Variants in NAV1 observed in about 807,000 individuals in gnomAD.
NAV1 encodes the protein pore membrane and/or filament interacting like protein 3.
NAV1 carries 18 observed loss-of-function variants against 175.2 expected under a neutral mutation model. The ratio of observed to expected loss-of-function variants is 0.10; its 90% CI spans 0.07 to 0.15. The LOEUF is 0.15. Among genes scored for constraint, NAV1 ranks in the 10% least tolerant of loss-of-function variants. The pLI, the probability that NAV1 is intolerant of heterozygous loss-of-function variation, is 1.00. For missense variants in NAV1, 1,731 were observed against 2,436.6 expected, an observed-to-expected ratio of 0.71 and a Z score of 6.10; for synonymous variants, 897 against 978.7, an observed-to-expected ratio of 0.92 and a Z score of 1.56.
intron 3 of NAV1, chr1:201,724,451 C>G (rs141739472): frequency 6.6e-6 from 1 of 152,268 alleles, no homozygotes; most frequent in African/African-American, 2.4e-5. Flanking sequence ...GTGGGTTTCC[C>G]TCTCAATGTG....
intron 1 of NAV1, among the ~76,000 whole-genome samples, chr1:201,587,452 A>T (rs1473738236): frequency 6.6e-6 from 1 of 152,016 alleles, no homozygotes; most frequent in Admixed American, 6.6e-5. Flanking sequence ...TTAAGAGGCC[A>T]AGGGGGGTGG....
exon 25 of NAV1, chr1:201,811,672 C>T (rs144118850): frequency 1.2e-6 from 2 of 1,613,896 alleles, no homozygotes; most frequent in African/African-American, 2.7e-5. Context: ...GGATGTGCCC[C>T]TGGTGATTCT....
intron 1 of NAV1, among the ~76,000 whole-genome samples, chr1:201,582,658 T>A (rs1254731071): frequency 6.6e-6 from 1 of 151,958 alleles, no homozygotes; most frequent in East Asian, 1.9e-4. Flanking sequence ...GGCCAAGGGG[T>A]GAGGAAATCC....
intron 3 of NAV1, among the ~76,000 whole-genome samples, chr1:201,731,493 C>G (rs185679020): frequency 2.6e-5 from 4 of 152,270 alleles, no homozygotes; most frequent in East Asian, 3.9e-4. Flanking sequence ...AGCCTACCCC[C>G]CTTCTCCTTT....
chr1:201,677,723 G>T (rs1188832140), intron 1 of NAV1, among the ~76,000 whole-genome samples: 1 of 152,142 alleles, frequency 6.6e-6, no homozygotes, highest in African/African-American at 2.4e-5. Flanking sequence ...CGCCTCCCAG[G>T]CATGGGCGAC....
rs1438930048 is a variant in NAV1 at position 201,808,515 on chromosome 1, T to C, written c.3943T>C (p.Trp1315Arg). ...GGTATCGGAGCTGCGCTCTGAGCTA[T>C]GGGAGAAGGAAATGAAGCTTACAGA... Residue 1315 changes from tryptophan to arginine, a missense_variant, in exon 19 of 30, where the codon TGG becomes CGG. Trp to Arg is a moderately radical substitution (Grantham distance 101). This residue lies in a region of NAV1 where 146 missense variants were observed against 176.8 expected (regional missense o/e 0.83). Coordinates refer to ENST00000367296, the Ensembl canonical transcript of NAV1. The surrounding 1 kb of genome is among the most constrained non-coding windows in gnomAD (Gnocchi z 5.5). The C allele has an allele frequency of 6.2e-7, 1 of 1,614,180 alleles. No individual in the cohort carries two copies. Among genetic ancestry groups the C allele is most frequent in the Non-Finnish European group, 8.5e-7 (1 of 1,180,026 alleles).
In NAV1 at chr1:201,813,295, G is replaced by C; in HGVS notation, c.5340+37G>C. 4 of 1,338,988 alleles carry C rather than the reference G, an allele frequency of 3.0e-6. No homozygotes were observed. The highest frequency in any genetic ancestry group is 1.8e-4 in the Middle Eastern group (1 of 5,472). The allele number at this position is 1,338,988 out of a possible 1,614,324, so 82.9% of individuals were successfully genotyped here. On this transcript the variant is annotated intron_variant, in intron 28 of 29. Transcript: ENST00000367296. This position sits in a 1 kb window ranked among gnomAD's most constrained non-coding sequence, Gnocchi z 4.2. ...CCCCTTCACTCAAACCCTAAGATCA[G>C]GCTGTCCTACCTAACAAAGTAGGAA...
chr1:201,658,721 G>A lies in NAV1; in HGVS notation c.757+9296G>A, dbSNP rs115574286. 9.6e-3 allele frequency among the ~76,000 whole-genome samples: 1,456 copies of A among 152,282 alleles called. 20 individuals are homozygous for A. The highest frequency in any genetic ancestry group is 0.03 in the African/African-American group (1,257 of 41,550). On this transcript the variant is annotated intron_variant, in intron 1 of 29. Transcript: ENST00000367296. ...GGATCCCCAAAAGAGTCCTGTGCCC[G>A]CTGGTCCTTGGAGATGTTGCTGATC...
chr1:201,650,606 T>A (rs1233780466), intron 1 of NAV1, among the ~76,000 whole-genome samples: 1 of 152,104 alleles, frequency 6.6e-6, no homozygotes, highest in Non-Finnish European at 1.5e-5. Context: ...GTGGGGAACA[T>A]GCAAGAGCTC....
Position 201,781,012 on chromosome 1 carries a change from C to G in NAV1, c.1366C>G (p.Leu456Val), listed in dbSNP as rs760432626. The change falls in exon 5 of 30, where the codon CTA (leucine) becomes GTA (valine). Residue 456 changes from leucine to valine, a missense_variant and splice_region_variant. By Grantham distance (32) the Leu-to-Val change is conservative. Transcript: ENST00000367296. ...CTCTGCCTTTTTCTCTTTTCTTTAG[C>G]TACGCACAGACTCAGAGAAGCGCTC... The G allele has an allele frequency of 1.2e-6, 2 of 1,605,018 alleles. No homozygotes were observed. The highest frequency in any genetic ancestry group is 3.4e-5 in the Admixed American group (2 of 58,758).
At chr1:201,737,421 A>G (rs1673162841) in intron 3 of NAV1, 1 of 152,022 alleles carries the variant, frequency 6.6e-6, no homozygotes, top group Non-Finnish European at 1.5e-5. Context: ...TGATTTAGAG[A>G]CCCTATACCC....
chr1:201,767,456 A>T (rs1329994065), intron 3 of NAV1, among the ~76,000 whole-genome samples: 1 of 150,924 alleles, frequency 6.6e-6, no homozygotes, highest in South Asian at 2.1e-4. Context: ...GCCTCAAAAA[A>T]AATAAAAATA....
chr1:201,815,342 G>T (rs1678962469), intron 28 of NAV1, among the ~76,000 whole-genome samples: 1 of 152,172 alleles, frequency 6.6e-6, no homozygotes. Context: ...AGGAGTTAAA[G>T]TCTAGCCTAG....
rs200788023 is a variant in NAV1, at chr1:201,758,852, AAC to A, written c.1227-21567_1227-21566del. Among the ~76,000 whole-genome samples, 719 of 152,340 alleles carry A rather than the reference AAC, an allele frequency of 4.7e-3. 3 individuals carry two copies. The highest frequency in any genetic ancestry group is 0.016 in the African/African-American group (683 of 41,576). On this transcript the variant is annotated intron_variant, in intron 3 of 29. Coordinates refer to ENST00000367296, the Ensembl canonical transcript of NAV1. ...ATTTGTAGTATATGTAGTGGTTAAA[AAC>A]AGTCTTTAGAGTCAGACAGATCTTG...
chr1:201,615,222 C>G (rs1667967904), intron 2 of NAV1, among the ~76,000 whole-genome samples: 1 of 151,792 alleles, frequency 6.6e-6, no homozygotes, highest in Non-Finnish European at 1.5e-5. Context: ...TATGGCTGTT[C>G]TCCTTAACAT....
intron 3 of NAV1, among the ~76,000 whole-genome samples, chr1:201,744,300 CTATGTATGTATG>C (rs145244423): frequency 2.0e-5 from 3 of 150,720 alleles, no homozygotes; most frequent in African/African-American, 7.3e-5. Flanking sequence ...GAGCTGACGG[CTATGTATGTATG>C]TATGTATTTA....
At chr1:201,558,598 G>A (rs575280387) in intron 1 of NAV1, among the ~76,000 whole-genome samples, 8 of 152,218 alleles carry the variant, frequency 5.3e-5, no homozygotes, top group East Asian at 1.9e-4. Context: ...GATTACAGGC[G>A]CACACCACCA....
exon 30 of NAV1, chr1:201,820,210 TC>T (rs1679306363): frequency 3.2e-6 from 1 of 316,128 alleles, no homozygotes; most frequent in South Asian, 5.9e-5. Context: ...TCTGGGTCTT[TC>T]CCTTGACTTC....
chr1:201,677,134 C>T (rs957078403), intron 1 of NAV1, among the ~76,000 whole-genome samples: 4 of 151,682 alleles, frequency 2.6e-5, no homozygotes, highest in Admixed American at 1.3e-4. Context: ...TGCCTGTAAT[C>T]CCAGCTACCC....
Sources: gnomAD v4.1 joint callset for allele counts (sites outside exome capture counted in the v4.1 genomes callset) on GRCh38, gnomAD v4.1.1 for gene constraint, gnomAD v4.1.1 regional missense constraint, Gnocchi (gnomAD v3.1) non-coding constraint, MANE v1.5 for transcripts, NCBI Gene and HGNC (gene_info 2026-07-23, HGNC 2026-07-21) for gene names.